ZFAND6: variants seen among roughly 807,000 people sequenced by gnomAD.
ZFAND6 encodes AN1-type zinc finger protein 6.
Under a neutral mutation model 24.5 loss-of-function variants are expected in ZFAND6, and 12 were observed. That is an observed-to-expected ratio of 0.49 (90% CI 0.31 to 0.79). The LOEUF (loss-of-function observed/expected upper bound fraction) is 0.79, where lower values mean the gene tolerates loss of function less well. ZFAND6 is among the 30% of genes least tolerant of loss of function. The pLI is 0.04. For synonymous variants in ZFAND6, 92 were observed against 81.5 expected (o/e 1.13, Z -0.69); for missense variants, 207 against 245.9 (o/e 0.84, Z 1.06).
intron 1 of ZFAND6, among the ~76,000 whole-genome samples, chr15:80,083,290 C>T (rs1215309509): frequency 6.6e-6 from 1 of 151,958 alleles, no homozygotes; most frequent in African/African-American, 2.4e-5. Context: ...CGCACCTGGC[C>T]TATACATACG....
chr15:80,089,994 T>C (rs1189074764), intron 1 of ZFAND6, among the ~76,000 whole-genome samples: 1 of 152,178 alleles, frequency 6.6e-6, no homozygotes, highest in African/African-American at 2.4e-5. Flanking sequence ...ACCAAAACAA[T>C]CCTTTCCCTA....
At chr15:80,081,548 A>G (rs942609736) in intron 1 of ZFAND6, among the ~76,000 whole-genome samples, 6 of 152,200 alleles carry the variant, frequency 3.9e-5, no homozygotes, top group South Asian at 4.1e-4. Context: ...GGGAAGTGAC[A>G]TGCATACAGC....
intron 6 of ZFAND6, among the ~76,000 whole-genome samples, chr15:80,133,221 C>T (rs2040696872): frequency 6.9e-6 from 1 of 145,092 alleles, no homozygotes; most frequent in Non-Finnish European, 1.5e-5. Context: ...GAAATGGAGT[C>T]TTGCTCTGTC....
At position 80,095,079 on chromosome 15, in the gene ZFAND6, AT is replaced by A. The variant is rs149482469; in HGVS notation, c.-180-3327del. 4.6e-4 allele frequency among the ~76,000 whole-genome samples: 69 copies of A among 149,670 alleles called. 1 individual carries two copies. The highest frequency in any genetic ancestry group is 1.5e-3 in the African/African-American group (62 of 40,842). ...TGAGCCCAATAATCATTCTTTAGGG[AT>A]TTTTTTTTTCCTGTCCAGAATCCAA... On this transcript the variant is annotated intron_variant, in intron 1 of 6. Coordinates refer to ENST00000261749, the MANE Select transcript of ZFAND6 (RefSeq NM_019006.4).
At chr15:80,122,461 G>A (rs529804616) in intron 4 of ZFAND6, among the ~76,000 whole-genome samples, 2 of 152,088 alleles carry the variant, frequency 1.3e-5, no homozygotes, top group South Asian at 4.2e-4. Context: ...AATTCATGTG[G>A]TACTTGAAAT....
At chr15:80,130,382 G>T (rs1391278260) in intron 5 of ZFAND6, 1 of 151,474 alleles carries the variant, frequency 6.6e-6, no homozygotes, top group African/African-American at 2.4e-5. Context: ...GTGGATCCCT[G>T]GGGAAAGTCT....
intron 1 of ZFAND6, among the ~76,000 whole-genome samples, chr15:80,079,988 T>G (rs941369069): frequency 4.0e-5 from 6 of 150,848 alleles, no homozygotes; most frequent in Admixed American, 1.3e-4. Context: ...CGTTTTTCTG[T>G]TTTTTTTCCC....
At chr15:80,079,855 C>T (rs569537195) in intron 1 of ZFAND6, among the ~76,000 whole-genome samples, 14 of 150,420 alleles carry the variant, frequency 9.3e-5, no homozygotes, top group Non-Finnish European at 1.3e-4. Flanking sequence ...GGGGTTTCAC[C>T]GTAGCCAGGA....
intron 2 of ZFAND6, among the ~76,000 whole-genome samples, chr15:80,104,497 C>G (rs931117614): frequency 2.6e-5 from 4 of 151,698 alleles, no homozygotes; most frequent in Non-Finnish European, 5.9e-5. Context: ...CCAGCCTGGG[C>G]GACAGAGTGA....
chr15:80,137,118 TA>T (rs1245665522), intron 6 of ZFAND6, among the ~76,000 whole-genome samples: 1 of 152,252 alleles, frequency 6.6e-6, no homozygotes, highest in African/African-American at 2.4e-5. Flanking sequence ...CTTTCTTAAA[TA>T]AATGCCAAGA....
intron 5 of ZFAND6, chr15:80,130,437 A>T (rs994354027): frequency 1.3e-5 from 2 of 152,196 alleles, no homozygotes; most frequent in African/African-American, 2.4e-5. Context: ...ATCCATGGGA[A>T]ATTCCACCAT....
intron 5 of ZFAND6, among the ~76,000 whole-genome samples, chr15:80,123,522 GA>G (rs1268071594): frequency 1.3e-5 from 2 of 152,234 alleles, no homozygotes; most frequent in Non-Finnish European, 2.9e-5. Flanking sequence ...CTGCCTGTGA[GA>G]TGATTTACCA....
chr15:80,059,271 G>A (rs917761335), upstream of ZFAND6, among the ~76,000 whole-genome samples: 5 of 152,216 alleles, frequency 3.3e-5, no homozygotes, highest in African/African-American at 1.2e-4. Context: ...TCCAAGACAG[G>A]GACACGCCAT....
chr15:80,136,463 CA>C lies in ZFAND6; in HGVS notation c.479-1006del, dbSNP rs58915501. 1.8e-3 allele frequency among the ~76,000 whole-genome samples: 242 copies of C among 136,794 alleles called. 1 individual carries two copies. The highest frequency in any genetic ancestry group is 3.0e-3 in the South Asian group (13 of 4,380). The allele number at this position is 136,794 out of a possible 152,430, so 89.7% of individuals were successfully genotyped here. On this transcript the variant is annotated intron_variant, in intron 6 of 6. Transcript: ENST00000261749. ...CTGGTGACAAAGTGAGACTCCGTGT[CA>C]AAAAAAAAAAGGAAAAAAGATAGCC...
intron 1 of ZFAND6, chr15:80,075,018 T>TA (rs1361819520): frequency 9.0e-5 from 14 of 156,130 alleles, no homozygotes; most frequent in South Asian, 8.9e-4. Context: ...TAATTTAACT[T>TA]ACTTTGTGTC....
intron 1 of ZFAND6, among the ~76,000 whole-genome samples, chr15:80,065,998 A>G (rs951051096): frequency 1.3e-5 from 2 of 152,204 alleles, no homozygotes; most frequent in African/African-American, 2.4e-5. Context: ...TTATATATTT[A>G]AAAACCCCTG....
intron 1 of ZFAND6, among the ~76,000 whole-genome samples, chr15:80,067,890 A>G (rs1247008170): frequency 1.3e-5 from 2 of 152,204 alleles, no homozygotes; most frequent in African/African-American, 2.4e-5. Context: ...AAAATATTAC[A>G]TATTGAAGTA....
intron 2 of ZFAND6, among the ~76,000 whole-genome samples, chr15:80,106,972 G>T (rs917772953): frequency 6.6e-6 from 1 of 152,204 alleles, no homozygotes. Context: ...CAGCACTTTG[G>T]GAGGCTGAGG....
intron 4 of ZFAND6, 151 bp downstream of exon 4, chr15:80,121,971 G>A (rs2040166706): frequency 4.6e-6 from 3 of 655,848 alleles, no homozygotes; most frequent in South Asian, 2.3e-5. Context: ...TAGAAAAAGC[G>A]ATTTCTTGCT....
Sources: gnomAD v4.1 joint callset for allele counts (sites outside exome capture counted in the v4.1 genomes callset) on GRCh38, gnomAD v4.1.1 for gene constraint, MANE v1.5 for transcripts, NCBI Gene and HGNC (gene_info 2026-07-23, HGNC 2026-07-21) for gene names.